The following GTF2IRD1 variants were observed in gnomAD, a reference collection of about 807,000 sequenced individuals.
GTF2IRD1 encodes the protein GTF2I repeat domain containing 1, also known as general transcription factor II-I repeat domain-containing protein 1.
In GTF2IRD1, 26 loss-of-function variants were observed where a neutral mutation model predicts 113.2. That is an observed-to-expected ratio of 0.23 (90% CI 0.17 to 0.32). The LOEUF is 0.32. Ranked by LOEUF, GTF2IRD1 falls within the 10% of genes least tolerant of loss-of-function variation. The probability of loss-of-function intolerance (pLI) is 1.00; values close to 1 mark genes in which losing one functional copy is unlikely to be tolerated. For synonymous variants in GTF2IRD1, 484 were observed against 529.1 expected, an observed-to-expected ratio of 0.91 and a Z score of 1.17; for missense variants, 864 against 1,280.8, an observed-to-expected ratio of 0.67 and a Z score of 4.97.
intron 14 of GTF2IRD1, 66 bp downstream of exon 14, chr7:74,540,034 T>A: frequency 1.7e-6 from 2 of 1,171,390 alleles, no homozygotes; most frequent in Non-Finnish European, 1.3e-6. Context: ...GGGAAAGGGG[T>A]GGGCCAGGCC....
At chr7:74,554,322 T>G (rs1554356013) in intron 17 of GTF2IRD1, among the ~76,000 whole-genome samples, 1 of 152,160 alleles carries the variant, frequency 6.6e-6, no homozygotes, top group Non-Finnish European at 1.5e-5. Context: ...AGATGGGGCC[T>G]TCAGAAGCAG....
intron 1 of GTF2IRD1, among the ~76,000 whole-genome samples, chr7:74,457,365 A>G (rs1793055449): frequency 6.6e-6 from 1 of 152,164 alleles, no homozygotes; most frequent in African/African-American, 2.4e-5. Flanking sequence ...TGCACTAGGG[A>G]CAGGAAGGGA....
At chr7:74,464,583 G>T (rs1793593801) in intron 1 of GTF2IRD1, among the ~76,000 whole-genome samples, 1 of 152,004 alleles carries the variant, frequency 6.6e-6, no homozygotes, top group African/African-American at 2.4e-5. Context: ...AAATAGCTGG[G>T]ATTACAGGCA....
intron 1 of GTF2IRD1, chr7:74,506,678 C>G (rs1044399098): frequency 2.0e-5 from 3 of 152,038 alleles, no homozygotes; most frequent in Non-Finnish European, 4.4e-5. Context: ...GAGGGCAGGC[C>G]CTGGCACTGG....
At chr7:74,556,482 G>A (rs1222633803) in intron 19 of GTF2IRD1, among the ~76,000 whole-genome samples, 6 of 151,298 alleles carry the variant, frequency 4.0e-5, no homozygotes, top group African/African-American at 9.7e-5. Context: ...CACCACACCC[G>A]GCTAATTTTT....
At chr7:74,463,599 A>G (rs1554329955) in intron 1 of GTF2IRD1, among the ~76,000 whole-genome samples, 5 of 152,092 alleles carry the variant, frequency 3.3e-5, no homozygotes, top group African/African-American at 1.2e-4. Context: ...GCTGAGGGTA[A>G]TGTGAGTGTG....
chr7:74,506,363 G>T (rs1471893647), intron 1 of GTF2IRD1: 1 of 152,244 alleles, frequency 6.6e-6, no homozygotes, highest in African/African-American at 2.4e-5. Context: ...AGAGCTTACA[G>T]ATGGCAGGGG....
intron 1 of GTF2IRD1, among the ~76,000 whole-genome samples, chr7:74,475,248 A>G (rs1038835824): frequency 1.1e-4 from 16 of 152,032 alleles, no homozygotes; most frequent in African/African-American, 3.9e-4. Flanking sequence ...AGAGCAAGAG[A>G]CCCTGTCTCT....
At chr7:74,466,904 G>T (rs1311672556) in intron 1 of GTF2IRD1, among the ~76,000 whole-genome samples, 1 of 151,786 alleles carries the variant, frequency 6.6e-6, no homozygotes, top group Non-Finnish European at 1.5e-5. Context: ...AAGCAAGCTC[G>T]GGGTGGGGGC....
intron 13 of GTF2IRD1, among the ~76,000 whole-genome samples, chr7:74,539,520 C>G (rs1228198731): frequency 1.3e-5 from 2 of 151,808 alleles, no homozygotes; most frequent in African/African-American, 2.4e-5. Context: ...GAGGCGGGCA[C>G]ATCACCTGAG....
chr7:74,519,310 A>C, intron 5 of GTF2IRD1, 99 bp from the exon 6 acceptor site: 1 of 748,470 alleles, frequency 1.3e-6, no homozygotes. Context: ...TGGGGCTGTT[A>C]TGTTCTGCAG....
chr7:74,559,584 C>A, intron 21 of GTF2IRD1, 43 bp from the exon 22 acceptor site: 1 of 1,558,262 alleles, frequency 6.4e-7, no homozygotes, highest in Admixed American at 1.9e-5. Flanking sequence ...TCCTCATCCC[C>A]CAGGCCCTCC....
intron 3 of GTF2IRD1, among the ~76,000 whole-genome samples, chr7:74,514,125 C>T (rs904297488): frequency 7.2e-5 from 11 of 152,112 alleles, no homozygotes; most frequent in African/African-American, 2.4e-4. Context: ...GAGGGTTAAA[C>T]GAATTGGTAC....
chr7:74,586,676 G>A (rs1260899731), intron 22 of GTF2IRD1, among the ~76,000 whole-genome samples: 1 of 152,224 alleles, frequency 6.6e-6, no homozygotes, highest in African/African-American at 2.4e-5. Flanking sequence ...GAAGCTCCCT[G>A]CTCTTTGGGG....
rs182393072 is a variant in GTF2IRD1 at position 74,509,748 on chromosome 7, C to T, written c.123+1545C>T. 2.5e-3 allele frequency among the ~76,000 whole-genome samples: 386 copies of T among 151,940 alleles called. 4 individuals are homozygous for T. The highest frequency in any genetic ancestry group is 8.5e-3 in the African/African-American group (352 of 41,450). ...AGTGCAGTGGTGTGATCTCGACTCACTGCAACCTCCGCCTCCCAGGTTCAA... is the reference window on the plus strand; with the variant it reads ...AGTGCAGTGGTGTGATCTCGACTCATTGCAACCTCCGCCTCCCAGGTTCAA... On this transcript the variant is annotated intron_variant, in intron 2 of 26. Coordinates refer to ENST00000424337, the MANE Select transcript of GTF2IRD1 (RefSeq NM_005685.4).
chr7:74,576,001 C>G (rs1427445560), intron 22 of GTF2IRD1, among the ~76,000 whole-genome samples: 1 of 150,118 alleles, frequency 6.7e-6, no homozygotes. Flanking sequence ...GACCCCATCT[C>G]TAAAAAAAAA....
chr7:74,518,569 C>G (rs587714774), intron 5 of GTF2IRD1, among the ~76,000 whole-genome samples: 1 of 152,158 alleles, frequency 6.6e-6, no homozygotes, highest in Non-Finnish European at 1.5e-5. Flanking sequence ...CTTGAAGAGA[C>G]ATGACTTGGG....
intron 3 of GTF2IRD1, 107 bp downstream of exon 3, chr7:74,513,078 G>A: frequency 9.1e-7 from 1 of 1,095,032 alleles, no homozygotes; most frequent in Non-Finnish European, 1.3e-6. Context: ...GGCGGTGTGT[G>A]GGGAGTGAAC....
At chr7:74,547,994 G>A (rs1218473768) in intron 17 of GTF2IRD1, among the ~76,000 whole-genome samples, 18 of 152,096 alleles carry the variant, frequency 1.2e-4, no homozygotes, top group Non-Finnish European at 2.4e-4. Context: ...ATGCCCTGTC[G>A]TCCCAGAATG....
Sources: gnomAD v4.1 joint callset for allele counts (sites outside exome capture counted in the v4.1 genomes callset) on GRCh38, gnomAD v4.1.1 for gene constraint, MANE v1.5 for transcripts, NCBI Gene and HGNC (gene_info 2026-07-23, HGNC 2026-07-21) for gene names.